The following HEATR4 variants were observed in gnomAD, a reference collection of about 807,000 sequenced individuals.
HEATR4 encodes the protein HEAT repeat-containing protein 4.
Under a neutral mutation model 108.8 loss-of-function variants are expected in HEATR4, and 95 were observed. The observed-to-expected ratio is 0.87, with a 90% CI of 0.74 to 1.04. The LOEUF (loss-of-function observed/expected upper bound fraction) is 1.04. HEATR4 is among the 50% of genes least tolerant of loss of function. HEATR4 has a pLI of 0.00. For missense variants in HEATR4, 1,152 were observed against 1,253.8 expected (o/e 0.92, Z 1.23); for synonymous variants, 443 against 459.4 (o/e 0.96, Z 0.46).
At chr14:73,497,815 A>G (rs1191054219) in intron 14 of HEATR4, among the ~76,000 whole-genome samples, 1 of 151,722 alleles carries the variant, frequency 6.6e-6, no homozygotes, top group Admixed American at 6.6e-5. Flanking sequence ...TAGTAGAGAC[A>G]GGGTTTCTCC....
chr14:73,627,798 G>A, the HEATR4 span, among the ~76,000 whole-genome samples: 291 of 147,664 alleles, frequency 2.0e-3, 3 homozygotes, highest in Middle Eastern at 0.01. Context: ...TAGGTTTACA[G>A]TGGGGCTGAA....
the HEATR4 span, among the ~76,000 whole-genome samples, chr14:73,621,903 A>G: frequency 1.3e-5 from 2 of 151,338 alleles, no homozygotes; most frequent in East Asian, 3.9e-4. Context: ...GACTGGGACT[A>G]CAGGCATGCA....
intron 1 of HEATR4, among the ~76,000 whole-genome samples, chr14:73,547,149 G>C (rs1434236928): frequency 1.8e-5 from 2 of 112,156 alleles, no homozygotes; most frequent in African/African-American, 2.8e-5. Flanking sequence ...TTGAGAGGCC[G>C]AGGTGAGTGG....
the HEATR4 span, among the ~76,000 whole-genome samples, chr14:73,580,484 G>A: frequency 6.6e-6 from 1 of 152,044 alleles, no homozygotes; most frequent in Non-Finnish European, 1.5e-5. Context: ...AAGGGGAGAA[G>A]TGAGTGTAGT....
chr14:73,537,253 T>A (rs1321397184), intron 1 of HEATR4: 2 of 555,464 alleles, frequency 3.6e-6, no homozygotes, highest in Non-Finnish European at 5.5e-6. Flanking sequence ...TGTCTATATT[T>A]GGTCTGGCTG....
At chr14:73,616,270 A>G in the HEATR4 span, among the ~76,000 whole-genome samples, 1 of 151,892 alleles carries the variant, frequency 6.6e-6, no homozygotes, top group Non-Finnish European at 1.5e-5. Flanking sequence ...ACCTGGCCTC[A>G]TTATGTTATT....
intron 11 of HEATR4, 147 bp from the exon 12 acceptor site, chr14:73,500,877 G>A: frequency 3.0e-6 from 2 of 668,648 alleles, no homozygotes; most frequent in South Asian, 2.0e-5. Flanking sequence ...GTTTTACTGG[G>A]TACAGAGCTC....
the HEATR4 span, among the ~76,000 whole-genome samples, chr14:73,615,567 C>T: frequency 6.6e-6 from 1 of 151,600 alleles, no homozygotes; most frequent in East Asian, 1.9e-4. Context: ...CCCATCTCTA[C>T]TAAAAATACA....
At chr14:73,506,365 GT>G (rs2140270819) in intron 10 of HEATR4, 101 bp downstream of exon 10, 1 of 758,594 alleles carries the variant, frequency 1.3e-6, no homozygotes. Context: ...ACAGAGATCT[GT>G]TTGGTAAGAA....
chr14:73,610,557 C>T, the HEATR4 span, among the ~76,000 whole-genome samples: 5 of 152,124 alleles, frequency 3.3e-5, no homozygotes, highest in African/African-American at 1.2e-4. Context: ...TCCCAAAGTG[C>T]TGGGATTACA....
chr14:73,586,509 A>G, the HEATR4 span, among the ~76,000 whole-genome samples: 1 of 152,050 alleles, frequency 6.6e-6, no homozygotes, highest in African/African-American at 2.4e-5. Context: ...GTTGGAGACC[A>G]GCCTGGCTAA....
At chr14:73,486,731 A>G (rs1473973965) in intron 17 of HEATR4, among the ~76,000 whole-genome samples, 3 of 152,124 alleles carry the variant, frequency 2.0e-5, no homozygotes, top group Non-Finnish European at 4.4e-5. Context: ...ATAATTTAGT[A>G]TATATCACCC....
chr14:73,506,854 G>T (rs377592335), intron 9 of HEATR4, among the ~76,000 whole-genome samples: 2 of 130,122 alleles, frequency 1.5e-5, no homozygotes, highest in Non-Finnish European at 3.1e-5. Flanking sequence ...AGGCTGGAGT[G>T]CAGTGGCACA....
intron 1 of HEATR4, among the ~76,000 whole-genome samples, chr14:73,532,411 TA>T (rs1888733306): frequency 1.7e-5 from 2 of 116,412 alleles, no homozygotes; most frequent in African/African-American, 5.6e-5. Context: ...GTCTTACAGA[TA>T]CAGAAATTCT....
chr14:73,612,811 G>A, the HEATR4 span: 1 of 1,424,622 alleles, frequency 7.0e-7, no homozygotes. Context: ...CCATGGGGCT[G>A]CTGTGGGCGT....
chr14:73,508,309 T>G lies in HEATR4; in HGVS notation c.1721-15A>C. 6.2e-7 allele frequency: 1 copy of G among 1,612,358 alleles called. No individual in the cohort carries two copies. The highest frequency in any genetic ancestry group is 8.5e-7 in the Non-Finnish European group (1 of 1,179,494). On this transcript the variant is annotated splice_polypyrimidine_tract_variant and intron_variant, in intron 8 of 17. Transcript: ENST00000553558. ...CACACTGTTACCTGCCACAGTTGGG[T>G]GAAAAAGAGTTCAGAATGGTGATGT...
At chr14:73,517,131 T>C (rs1277421126) in intron 5 of HEATR4, 1 of 152,008 alleles carries the variant, frequency 6.6e-6, no homozygotes, top group Non-Finnish European at 1.5e-5. Context: ...AGTTAAAAAT[T>C]AGCTGAGTGT....
chr14:73,514,032 CAG>C lies in HEATR4; in HGVS notation c.1411_1412del (p.Leu471AspfsTer7). 5 of 1,614,168 alleles carry C rather than the reference CAG, an allele frequency of 3.1e-6. No individual in the cohort carries two copies. The highest frequency in any genetic ancestry group is 4.2e-6 in the Non-Finnish European group (5 of 1,180,012). On this transcript the variant is annotated frameshift_variant and splice_region_variant, in exon 6 of 18. Coordinates refer to ENST00000553558, the MANE Select transcript of HEATR4 (RefSeq NM_001220484.1). LOFTEE classifies it high-confidence loss of function. ...ATCACAGGACCTCCCTTCACTCACTCAGAGCCCAGGCAGTCTTCCATTCCTTC... is the reference window on the plus strand; with the variant it reads ...ATCACAGGACCTCCCTTCACTCACTCAGCCCAGGCAGTCTTCCATTCCTTC... ...MLKEWKTAWA[L>X]IIEWHHETVE...
intron 17 of HEATR4, among the ~76,000 whole-genome samples, chr14:73,484,984 T>G (rs1885396625): frequency 6.6e-6 from 1 of 151,912 alleles, no homozygotes; most frequent in Admixed American, 6.6e-5. Context: ...GCCAATATGG[T>G]GAAACCTTGT....
Sources: gnomAD v4.1 joint callset for allele counts (sites outside exome capture counted in the v4.1 genomes callset) on GRCh38, gnomAD v4.1.1 for gene constraint, MANE v1.5 for transcripts, NCBI Gene and HGNC (gene_info 2026-07-23, HGNC 2026-07-21) for gene names.